The following CNTNAP4 variants were observed in gnomAD, a reference collection of about 807,000 sequenced individuals.
CNTNAP4 encodes contactin associated protein family member 4.
Under a neutral mutation model 148.4 loss-of-function variants are expected in CNTNAP4, and 98 were observed. That is an observed-to-expected ratio of 0.66 (90% CI 0.56 to 0.78). CNTNAP4 has a LOEUF of 0.78. Among genes scored for constraint, CNTNAP4 ranks in the 30% least tolerant of loss-of-function variants. The pLI is 0.00. For synonymous variants in CNTNAP4, 730 were observed against 565.1 expected, an observed-to-expected ratio of 1.29 and a Z score of -4.14; for missense variants, 1,935 against 1,565.6, an observed-to-expected ratio of 1.24 and a Z score of -3.98.
chr16:76,471,441 A>G (rs1378290413), intron 10 of CNTNAP4, among the ~76,000 whole-genome samples: 2 of 152,172 alleles, frequency 1.3e-5, no homozygotes, highest in Admixed American at 6.5e-5. Flanking sequence ...TTGAGTGACA[A>G]CGTCAACCTT....
At chr16:76,462,846 T>G (rs976583) in intron 9 of CNTNAP4, among the ~76,000 whole-genome samples, 61,596 of 152,154 alleles carry the variant, frequency 0.4, 12,991 homozygotes, top group Middle Eastern at 0.52. Context: ...TTGCTTATAT[T>G]AGCGTTGTTT....
intron 8 of CNTNAP4, among the ~76,000 whole-genome samples, chr16:76,454,962 G>A (rs2080666627): frequency 1.3e-5 from 2 of 152,228 alleles, no homozygotes; most frequent in South Asian, 4.2e-4. Context: ...ATTGTATTGA[G>A]AAAGAACTGA....
chr16:76,553,194 A>G, intron 21 of CNTNAP4, 89 bp from the exon 22 acceptor site: 1 of 677,660 alleles, frequency 1.5e-6, no homozygotes, highest in Non-Finnish European at 2.5e-6. Flanking sequence ...CTTTATTGCT[A>G]TTGCATTAGC....
At chr16:76,297,970 G>A (rs9928291) in intron 1 of CNTNAP4, among the ~76,000 whole-genome samples, 3,029 of 151,068 alleles carry the variant, frequency 0.02, 107 homozygotes, top group African/African-American at 0.068. Context: ...CTTATCACCC[G>A]TAATCAGAAA....
intron 15 of CNTNAP4, among the ~76,000 whole-genome samples, chr16:76,502,048 G>T (rs984605664): frequency 6.7e-6 from 1 of 149,282 alleles, no homozygotes; most frequent in African/African-American, 2.5e-5. Context: ...CAGCCTGGGC[G>T]ACAGAGCGAG....
intron 15 of CNTNAP4, among the ~76,000 whole-genome samples, chr16:76,512,859 A>T (rs1048507034): frequency 1.3e-5 from 2 of 152,186 alleles, no homozygotes; most frequent in African/African-American, 4.8e-5. Context: ...AGGAGGAGAG[A>T]GCAATCAACT....
Position 76,467,470 on chromosome 16 carries a change from G to A in CNTNAP4, c.1602G>A (p.Gly534=). 1 of 1,613,824 alleles carries A rather than the reference G, an allele frequency of 6.2e-7. No homozygotes were observed. The highest frequency in any genetic ancestry group is 8.5e-7 in the Non-Finnish European group (1 of 1,179,846). The change falls in exon 10 of 24, where the codon GGG becomes GGA. Residue 534 remains glycine (G), a synonymous_variant. Coordinates refer to ENST00000611870, the MANE Select transcript of CNTNAP4 (RefSeq NM_033401.5). ...TAGATCTGATTTCAGTTCAGCAGGGGTCCCTTGGGAACTTCAGTGACCTTC... is the reference window on the plus strand; with the variant it reads ...TAGATCTGATTTCAGTTCAGCAGGGATCCCTTGGGAACTTCAGTGACCTTC... ...KVVDLISVQQ[G]SLGNFSDLQI... is the part of the protein sequence containing the mutation.
Position 76,558,976 on chromosome 16 carries a change from C to T in CNTNAP4, c.*293C>T, listed in dbSNP as rs1597167594. 1 of 208,816 alleles carries T rather than the reference C, an allele frequency of 4.8e-6. No homozygotes were observed. Among genetic ancestry groups the T allele is most frequent in the Admixed American group, 5.9e-5 (1 of 17,092 alleles). The allele number at this position is 208,816 out of a possible 1,614,324, so 12.9% of individuals were successfully genotyped here. ...TGGCTACAGTTTTTACATGTGAAAA[C>T]TGTAGCCTTGGTCTCTTAACCATGT... On this transcript the variant is annotated 3_prime_UTR_variant, in exon 24 of 24. Coordinates refer to ENST00000611870, the MANE Select transcript of CNTNAP4 (RefSeq NM_033401.5).
At chr16:76,339,318 G>C (rs1170243528) in intron 2 of CNTNAP4, among the ~76,000 whole-genome samples, 2 of 151,976 alleles carry the variant, frequency 1.3e-5, no homozygotes, top group Non-Finnish European at 2.9e-5. Flanking sequence ...TCTCATTTCT[G>C]CCTCCTTCCT....
intron 1 of CNTNAP4, among the ~76,000 whole-genome samples, chr16:76,300,203 A>T (rs1298750409): frequency 6.6e-6 from 1 of 152,166 alleles, no homozygotes; most frequent in African/African-American, 2.4e-5. Flanking sequence ...AATATCACTG[A>T]TGTACTTTTA....
intron 12 of CNTNAP4, among the ~76,000 whole-genome samples, chr16:76,482,259 T>A (rs1388109107): frequency 6.6e-6 from 1 of 152,132 alleles, no homozygotes; most frequent in Non-Finnish European, 1.5e-5. Flanking sequence ...GCACTGTAGA[T>A]GGAGGAAAGG....
At chr16:76,373,900 A>G (rs1397093451) in intron 3 of CNTNAP4, among the ~76,000 whole-genome samples, 1 of 149,712 alleles carries the variant, frequency 6.7e-6, no homozygotes, top group East Asian at 1.9e-4. Flanking sequence ...CATCTCACAA[A>G]AAAAAAAAAA....
intron 2 of CNTNAP4, 43 bp from the exon 3 acceptor site, chr16:76,355,275 C>A: frequency 7.0e-7 from 1 of 1,421,684 alleles, no homozygotes; most frequent in South Asian, 1.5e-5. Flanking sequence ...TTTTAACTAA[C>A]TTTCCTTTCT....
At chr16:76,550,795 C>T (rs1353980407) in intron 21 of CNTNAP4, among the ~76,000 whole-genome samples, 3 of 151,980 alleles carry the variant, frequency 2.0e-5, no homozygotes, top group African/African-American at 7.3e-5. Flanking sequence ...GTTCCATACA[C>T]ATTGATGAAC....
chr16:76,291,144 A>G (rs1304058254), intron 1 of CNTNAP4, among the ~76,000 whole-genome samples: 2 of 152,192 alleles, frequency 1.3e-5, no homozygotes, highest in Admixed American at 6.5e-5. Context: ...AGTGGGGGGT[A>G]TAATTCAGTC....
chr16:76,444,319 A>G (rs1361984704), intron 4 of CNTNAP4, among the ~76,000 whole-genome samples: 1 of 152,184 alleles, frequency 6.6e-6, no homozygotes, highest in Admixed American at 6.6e-5. Flanking sequence ...AATAAATAGT[A>G]AAATCAGAAT....
At chr16:76,302,712 G>T (rs1428759) in intron 1 of CNTNAP4, among the ~76,000 whole-genome samples, 81 of 151,982 alleles carry the variant, frequency 5.3e-4, no homozygotes, top group African/African-American at 1.9e-3. Flanking sequence ...CTGATACCCC[G>T]TCATATTCAC....
intron 3 of CNTNAP4, among the ~76,000 whole-genome samples, chr16:76,415,239 T>A (rs898785189): frequency 6.6e-6 from 1 of 151,240 alleles, no homozygotes; most frequent in Non-Finnish European, 1.5e-5. Flanking sequence ...TTTCCTCATT[T>A]ATACATCTTC....
chr16:76,317,720 T>C (rs182515634), intron 2 of CNTNAP4, among the ~76,000 whole-genome samples: 1 of 150,658 alleles, frequency 6.6e-6, no homozygotes, highest in Non-Finnish European at 1.5e-5. Context: ...TGTGTGTGTG[T>C]GTGTGTATGT....
Sources: allele counts gnomAD v4.1 joint callset (sites outside exome capture counted in the v4.1 genomes callset), GRCh38; gene constraint gnomAD v4.1.1; transcripts MANE v1.5; gene names NCBI Gene and HGNC (gene_info 2026-07-23, HGNC 2026-07-21).